Variants in THSD4 observed in about 807,000 individuals in gnomAD.
THSD4 encodes thrombospondin type-1 domain-containing protein 4.
In THSD4, 69 loss-of-function variants were observed where a neutral mutation model predicts 119.0. The ratio of observed to expected loss-of-function variants is 0.58; its 90% CI spans 0.48 to 0.71. The LOEUF (loss-of-function observed/expected upper bound fraction) is 0.71. THSD4 is among the 30% of genes least tolerant of loss of function. The pLI is 0.00. For synonymous variants in THSD4, 524 were observed against 540.4 expected (o/e 0.97, Z 0.42); for missense variants, 1,393 against 1,391.1 (o/e 1.00, Z -0.02).
intron 4 of THSD4, among the ~76,000 whole-genome samples, chr15:71,230,313 G>A (rs959489644): frequency 3.3e-5 from 5 of 152,206 alleles, no homozygotes; most frequent in African/African-American, 1.2e-4. Flanking sequence ...TAGTTACTCT[G>A]GAGAAATGAA....
intron 6 of THSD4, among the ~76,000 whole-genome samples, chr15:71,319,641 T>G (rs949434417): frequency 6.6e-6 from 1 of 152,074 alleles, no homozygotes; most frequent in Admixed American, 6.6e-5. Context: ...CTTAATCCAG[T>G]CTATCATTGA....
Position 71,204,377 on chromosome 15 carries a change from G to A in THSD4, c.100-10658G>A, listed in dbSNP as rs140568347. ...TCCATCCGGGCCTCCTTTGCACTGC[G>A]TTTAGGGAAGTTCTGTGCTCAGAGC... On this transcript the variant is annotated intron_variant, in intron 3 of 17. Transcript: ENST00000261862. 4.6e-3 allele frequency among the ~76,000 whole-genome samples: 702 copies of A among 152,280 alleles called. 15 individuals carry two copies. Among genetic ancestry groups the A allele is most frequent in the Middle Eastern group, 0.014 (4 of 294 alleles).
chr15:71,570,407 T>C (rs1275432081), intron 7 of THSD4, among the ~76,000 whole-genome samples: 2 of 69,848 alleles, frequency 2.9e-5, no homozygotes, highest in Non-Finnish European at 7.5e-5. Context: ...GATATACTTT[T>C]TTTTTCTTTT....
chr15:71,341,623 A>C, intron 6 of THSD4: 2 of 1,590,562 alleles, frequency 1.3e-6, no homozygotes, highest in South Asian at 2.2e-5. Context: ...GAGCAGTTTC[A>C]CGAGTGTTCT....
rs1009808159 is a variant in THSD4 at position 71,470,826 on chromosome 15, G to A, written c.1152+59003G>A. On this transcript the variant is annotated intron_variant, in intron 7 of 17. Transcript: ENST00000261862. ...AATTTTTTGTATTTTTAGTAGAGAC[G>A]GGGTTTCACCTTGTTAGCCAGGATG... 1.2e-3 allele frequency among the ~76,000 whole-genome samples: 181 copies of A among 151,678 alleles called. 2 individuals carry two copies. The highest frequency in any genetic ancestry group is 4.0e-3 in the African/African-American group (166 of 41,374).
chr15:71,670,074 G>A (rs552975929), intron 8 of THSD4, among the ~76,000 whole-genome samples: 181 of 152,166 alleles, frequency 1.2e-3, no homozygotes, highest in African/African-American at 4.0e-3. Context: ...ATGCCACTTC[G>A]GGTGTACCTT....
intron 8 of THSD4, among the ~76,000 whole-genome samples, chr15:71,673,532 C>A (rs894653646): frequency 6.6e-6 from 1 of 152,086 alleles, no homozygotes; most frequent in African/African-American, 2.4e-5. Context: ...CTTCTGTTAG[C>A]TTTTGAATTT....
chr15:71,621,032 A>G (rs1460104988), intron 7 of THSD4, among the ~76,000 whole-genome samples: 1 of 152,188 alleles, frequency 6.6e-6, no homozygotes, highest in Non-Finnish European at 1.5e-5. Context: ...CCTTTGCCCC[A>G]TATTCTATGT....
intron 8 of THSD4, among the ~76,000 whole-genome samples, chr15:71,682,256 C>T (rs2051797058): frequency 6.6e-6 from 1 of 152,254 alleles, no homozygotes; most frequent in African/African-American, 2.4e-5. Context: ...TGGCTTAGCA[C>T]TTACTTATTT....
At chr15:71,216,630 G>A (rs961243407) in intron 4 of THSD4, among the ~76,000 whole-genome samples, 1 of 152,240 alleles carries the variant, frequency 6.6e-6, no homozygotes, top group Non-Finnish European at 1.5e-5. Context: ...TTCCAAGACT[G>A]AGCATGGAGG....
intron 7 of THSD4, among the ~76,000 whole-genome samples, chr15:71,470,704 C>T (rs1267290760): frequency 6.6e-6 from 1 of 151,616 alleles, no homozygotes; most frequent in Non-Finnish European, 1.5e-5. Flanking sequence ...GGCGCAATCT[C>T]GGCTCACTGC....
Position 71,609,820 on chromosome 15 carries a change from C to T in THSD4, c.1153-50710C>T, listed in dbSNP as rs867142976. ...TGAGCGGAGATCATGCCACTGCACT[C>T]CAGCCTGGGCGACAGAGCAAGACTC... On this transcript the variant is annotated intron_variant, in intron 7 of 17. Transcript: ENST00000261862. Among the ~76,000 whole-genome samples, 6 of 147,724 alleles carry T rather than the reference C, an allele frequency of 4.1e-5. No individual in the cohort carries two copies. In the South Asian group the frequency reaches 1.3e-3, roughly 32 times the overall value.
intron 6 of THSD4, among the ~76,000 whole-genome samples, chr15:71,411,079 T>C (rs1245600278): frequency 6.6e-6 from 1 of 152,192 alleles, no homozygotes; most frequent in Non-Finnish European, 1.5e-5. Flanking sequence ...TGATTGCTGA[T>C]ATATGAAATA....
At chr15:71,396,767 C>T (rs1457619321) in intron 6 of THSD4, among the ~76,000 whole-genome samples, 1 of 152,200 alleles carries the variant, frequency 6.6e-6, no homozygotes, top group Non-Finnish European at 1.5e-5. Context: ...TAAGATGTAA[C>T]ACAACATGTC....
intron 7 of THSD4, among the ~76,000 whole-genome samples, chr15:71,466,100 A>C (rs1317291605): frequency 6.6e-6 from 1 of 152,176 alleles, no homozygotes; most frequent in African/African-American, 2.4e-5. Context: ...CTGTAATCCC[A>C]GCACTTTGGG....
intron 8 of THSD4, among the ~76,000 whole-genome samples, chr15:71,680,468 G>A (rs1412885023): frequency 1.3e-5 from 2 of 151,966 alleles, no homozygotes; most frequent in Non-Finnish European, 2.9e-5. Flanking sequence ...AATTTCTGTT[G>A]GTAGGGTAAA....
chr15:71,722,842 A>G (rs2052748180), intron 8 of THSD4, among the ~76,000 whole-genome samples: 1 of 152,200 alleles, frequency 6.6e-6, no homozygotes, highest in Non-Finnish European at 1.5e-5. Flanking sequence ...TAAACATTTT[A>G]TGTATATATT....
At chr15:71,587,627 G>T in intron 7 of THSD4, among the ~76,000 whole-genome samples, 1 of 118,224 alleles carries the variant, frequency 8.5e-6, no homozygotes. Context: ...CTGTGGTGGG[G>T]TCGGGGGAGA....
At chr15:71,249,566 CATG>C (rs1473647688) in intron 5 of THSD4, among the ~76,000 whole-genome samples, 1 of 150,916 alleles carries the variant, frequency 6.6e-6, no homozygotes, top group South Asian at 2.1e-4. Flanking sequence ...TGTCATTTTT[CATG>C]ATTATAGAAA....
Sources: gnomAD v4.1 joint callset for allele counts (sites outside exome capture counted in the v4.1 genomes callset) on GRCh38, gnomAD v4.1.1 for gene constraint, MANE v1.5 for transcripts, NCBI Gene and HGNC (gene_info 2026-07-23, HGNC 2026-07-21) for gene names.